Variants in LIMS2 observed in about 807,000 individuals in gnomAD.
LIMS2 encodes the protein LIM zinc finger domain containing 2.
LIMS2 carries 30 observed loss-of-function variants against 45.3 expected under a neutral mutation model. The ratio of observed to expected loss-of-function variants is 0.66; its 90% CI spans 0.50 to 0.90. The LOEUF is 0.90. Ranked by LOEUF, LIMS2 falls within the 40% of genes least tolerant of loss-of-function variation. The pLI is 0.00. For synonymous variants in LIMS2, 173 were observed against 188.0 expected, an observed-to-expected ratio of 0.92 and a Z score of 0.65; for missense variants, 485 against 468.7, an observed-to-expected ratio of 1.03 and a Z score of -0.32.
intron 7 of LIMS2, chr2:127,640,548 G>A (rs1682302087): frequency 3.3e-6 from 2 of 609,542 alleles, no homozygotes; most frequent in South Asian, 3.9e-5. Context: ...CCTCTGCTCT[G>A]GCCACTGCTG....
rs1685036679 is a variant in LIMS2 at position 127,667,002 on chromosome 2, TA to T, written c.11+8011del. On this transcript the variant is annotated intron_variant, in intron 1 of 9. Coordinates refer to ENST00000355119, the MANE Select transcript of LIMS2 (RefSeq NM_001161403.3). This position sits in a 1 kb window ranked among gnomAD's most constrained non-coding sequence, Gnocchi z 4.1. ...CACAAAGCCTACCCAAATCACTTAGTAAGGCCAGTAACATGTAAAGAGACTG... is the reference window on the plus strand; with the variant it reads ...CACAAAGCCTACCCAAATCACTTAGTAGGCCAGTAACATGTAAAGAGACTG... Among the ~76,000 whole-genome samples the T allele has an allele frequency of 6.6e-6, 1 of 152,210 alleles. No homozygotes were observed. The highest frequency in any genetic ancestry group is 2.1e-4 in the South Asian group (1 of 4,822).
intron 1 of LIMS2, chr2:127,674,790 G>A: frequency 1.0e-6 from 1 of 985,408 alleles, no homozygotes; most frequent in Non-Finnish European, 1.2e-6. Context: ...GGGTGGGCAG[G>A]AGCTCCACCT....
chr2:127,664,426 C>T lies in LIMS2; in HGVS notation c.12-6864G>A, dbSNP rs1359899118. 1.7e-6 allele frequency: 2 copies of T among 1,192,202 alleles called. No individual in the cohort carries two copies. Among genetic ancestry groups the T allele is most frequent in the Non-Finnish European group, 2.1e-6 (2 of 962,470 alleles). 73.9% of individuals were successfully genotyped at this position (1,192,202 alleles called of 1,614,324 possible). On this transcript the variant is annotated intron_variant, in intron 1 of 9. Transcript: ENST00000355119. This position sits in a 1 kb window ranked among gnomAD's most constrained non-coding sequence, Gnocchi z 5.5. ...CCGCCTTGAGGTCGCGGGCGCGGGC[C>T]GCCTGGTGCAGGGGCTATGGGACCA... is the stretch of plus-strand genomic sequence containing the variant.
rs1246486386 is a variant in LIMS2 at position 127,671,632 on chromosome 2, C to A, written c.11+3382G>T. ...TGCCATGTTGGTGGCTTGAAATGAG[C>A]CCAGGTGGGGGTATCACACCACGGG... On this transcript the variant is annotated intron_variant, in intron 1 of 9. Coordinates refer to ENST00000355119, the MANE Select transcript of LIMS2 (RefSeq NM_001161403.3). This position sits in a 1 kb window ranked among gnomAD's most constrained non-coding sequence, Gnocchi z 4.1. Among the ~76,000 whole-genome samples the A allele has an allele frequency of 6.6e-6, 1 of 152,174 alleles. No individual in the cohort carries two copies. The highest frequency in any genetic ancestry group is 2.4e-5 in the African/African-American group (1 of 41,446).
At chr2:127,645,189 A>G (rs904635063) in intron 4 of LIMS2, among the ~76,000 whole-genome samples, 1 of 152,160 alleles carries the variant, frequency 6.6e-6, no homozygotes, top group African/African-American at 2.4e-5. Context: ...CCTGAGCCTC[A>G]GTTTCCTTGT....
At chr2:127,678,276 ACT>A (rs1159745614), upstream of LIMS2, among the ~76,000 whole-genome samples, 3 of 152,132 alleles carry the variant, frequency 2.0e-5, no homozygotes, top group African/African-American at 7.2e-5. This position sits in a 1 kb window ranked among gnomAD's most constrained non-coding sequence, Gnocchi z 5.3. Flanking sequence ...ACATAGCATG[ACT>A]CTGCCTCTAA....
intron 2 of LIMS2, among the ~76,000 whole-genome samples, 188 bp downstream of exon 2, chr2:127,657,215 G>A (rs1268321373): frequency 5.3e-5 from 8 of 152,218 alleles, no homozygotes. Flanking sequence ...TAGCACCCAG[G>A]GCACCTGGGG....
intron 4 of LIMS2, 23 bp downstream of exon 4, chr2:127,654,401 C>T: frequency 1.9e-6 from 3 of 1,613,774 alleles, no homozygotes; most frequent in Non-Finnish European, 2.5e-6. Context: ...CCAGTCCTCT[C>T]TGGCCCAACA....
At position 127,651,113 on chromosome 2, in the gene LIMS2, C is replaced by G. The variant is rs761668459; in HGVS notation, c.359+3311G>C. The G allele has an allele frequency of 1.2e-6, 2 of 1,613,420 alleles. No individual in the cohort carries two copies. The highest frequency in any genetic ancestry group is 1.3e-5 in the African/African-American group (1 of 74,944). The stretch of plus-strand genomic sequence containing the variant: ...GCATCTACTTCCTCACCTGCATCAG[C>G]GCCGACCGTTTCCTGGCCATTGTGC... On this transcript the variant is annotated intron_variant, in intron 4 of 9. Transcript: ENST00000355119.
chr2:127,657,625 G>T, intron 1 of LIMS2, 63 bp from the exon 2 acceptor site: 2 of 1,487,660 alleles, frequency 1.3e-6, no homozygotes, highest in South Asian at 1.3e-5. Context: ...GGGCACACGC[G>T]GGGGCCTGCG....
intron 1 of LIMS2, chr2:127,674,553 A>AT: frequency 1.1e-6 from 1 of 886,142 alleles, no homozygotes; most frequent in Non-Finnish European, 1.4e-6. Flanking sequence ...ACCCTTCAAC[A>AT]TTTTTAACAT....
Position 127,657,480 on chromosome 2 carries a change from T to A in LIMS2, c.94A>T (p.Asn32Tyr). The A allele has an allele frequency of 6.2e-7, 1 of 1,613,710 alleles. No homozygotes were observed. Among genetic ancestry groups the A allele is most frequent in the South Asian group, 1.1e-5 (1 of 91,084 alleles). The change falls in exon 2 of 10, where the codon AAT (asparagine) becomes TAT (tyrosine). Residue 32 changes from asparagine to tyrosine, a missense_variant. Coordinates refer to ENST00000355119, the MANE Select transcript of LIMS2 (RefSeq NM_001161403.3). Reference sequence around the variant, plus strand: ...CAGTGCTCATGGTACAGCTCCCCATTGCTGTTGACAATGCGCTCGGCGGGG... The same window carrying A: ...CAGTGCTCATGGTACAGCTCCCCATAGCTGTTGACAATGCGCTCGGCGGGG... The part of the protein sequence containing the change: ...FSPAERIVNS[N>Y]GELYHEHCFV...
At chr2:127,674,583 C>G in intron 1 of LIMS2, 1 of 960,928 alleles carries the variant, frequency 1.0e-6, no homozygotes, top group Non-Finnish European at 1.2e-6. Context: ...CCCAGGTTTA[C>G]AGAGGAGGAA....
upstream of LIMS2, among the ~76,000 whole-genome samples, chr2:127,678,804 C>T (rs1356877569): frequency 1.3e-5 from 2 of 152,068 alleles, no homozygotes; most frequent in East Asian, 1.9e-4. The surrounding 1 kb of genome is among the most constrained non-coding windows in gnomAD (Gnocchi z 5.3). Context: ...GGTGACGTTG[C>T]ATTGGGCCCT....
Position 127,642,751 on chromosome 2 carries a change from C to A in LIMS2, c.509+172G>T. ...GAAGCTTCCTGCCATGGCTGCTTCC[C>A]AGCCCCCAGCCCACCTCTGCCCTGC... On this transcript the variant is annotated intron_variant, in intron 5 of 9. Transcript: ENST00000355119. This position sits in a 1 kb window ranked among gnomAD's most constrained non-coding sequence, Gnocchi z 5.3. 2 of 709,000 alleles carry A rather than the reference C, an allele frequency of 2.8e-6. No individual in the cohort carries two copies. The allele number at this position is 709,000 out of a possible 1,614,324, so 43.9% of individuals were successfully genotyped here. A position where few individuals can be genotyped will look rare whatever the true frequency, so the allele number is the denominator to read the frequency against.
intron 1 of LIMS2, 136 bp downstream of exon 1, chr2:127,674,878 C>T: frequency 8.2e-7 from 1 of 1,213,304 alleles, no homozygotes; most frequent in Non-Finnish European, 1.0e-6. Context: ...GCCGCCCCGG[C>T]AGCTGCGAGA....
intron 1 of LIMS2, 109 bp from the exon 2 acceptor site, chr2:127,657,671 G>T: frequency 1.7e-6 from 2 of 1,198,440 alleles, no homozygotes; most frequent in South Asian, 1.5e-5. Context: ...AAGTGAAGAC[G>T]CTCTGCAGGA....
intron 4 of LIMS2, chr2:127,646,321 A>G (rs1461423768): frequency 1.3e-5 from 2 of 152,286 alleles, no homozygotes; most frequent in African/African-American, 4.8e-5. Context: ...AGCCCTGCCC[A>G]GGGAGACAGG....
intron 1 of LIMS2, chr2:127,674,628 G>A (rs1272162999): frequency 2.0e-6 from 2 of 985,168 alleles, no homozygotes; most frequent in African/African-American, 3.5e-5. Flanking sequence ...CACCGGGATC[G>A]GGGATCGCAC....
Sources: gnomAD v4.1 joint callset for allele counts (sites outside exome capture counted in the v4.1 genomes callset) on GRCh38, gnomAD v4.1.1 for gene constraint, Gnocchi (gnomAD v3.1) non-coding constraint, MANE v1.5 for transcripts, NCBI Gene and HGNC (gene_info 2026-07-23, HGNC 2026-07-21) for gene names.